Variants in NEDD4L observed in about 807,000 individuals in gnomAD.
The protein encoded by NEDD4L is E3 ubiquitin-protein ligase NEDD4-like.
A neutral mutation model predicts 148.9 loss-of-function variants in NEDD4L; 54 were observed. The observed-to-expected ratio is 0.36, with a 90% CI of 0.29 to 0.45. NEDD4L has a LOEUF of 0.45. Among genes scored for constraint, NEDD4L ranks in the 20% least tolerant of loss-of-function variants. The pLI is 1.00. For synonymous variants in NEDD4L, 433 were observed against 440.7 expected (o/e 0.98, Z 0.22); for missense variants, 856 against 1,233.8 (o/e 0.69, Z 4.59).
At chr18:58,274,171 C>T (rs777031531) in intron 5 of NEDD4L, among the ~76,000 whole-genome samples, 1 of 152,152 alleles carries the variant, frequency 6.6e-6, no homozygotes, top group Non-Finnish European at 1.5e-5. Flanking sequence ...TGAGTGAAGC[C>T]ATCTTGGATG....
chr18:58,214,150 C>G (rs2042891085), intron 2 of NEDD4L, among the ~76,000 whole-genome samples: 1 of 143,526 alleles, frequency 7.0e-6, no homozygotes. Flanking sequence ...ATGAAGCTTC[C>G]TGATAAATCA....
At position 58,265,221 on chromosome 18, in the gene NEDD4L, A is replaced by G. The variant is rs764194996; in HGVS notation, c.297+13167A>G. Among the ~76,000 whole-genome samples, 11 of 152,102 alleles carry G rather than the reference A, an allele frequency of 7.2e-5. 1 individual carries two copies. The highest frequency in any genetic ancestry group is 2.0e-4 in the Admixed American group (3 of 15,282). On this transcript the variant is annotated intron_variant, in intron 5 of 30. Transcript: ENST00000400345. ...TGTGCCTCCCAGGGATGTGGTGGTC[A>G]TATTGGCTCCAAATTGCCTTGTTCA...
Position 58,201,924 on chromosome 18 carries a change from T to C in NEDD4L, c.122+36063T>C, listed in dbSNP as rs188400762. On this transcript the variant is annotated intron_variant, in intron 2 of 30. Coordinates refer to ENST00000400345, the MANE Select transcript of NEDD4L (RefSeq NM_001144967.3). ...TGTGCTATACGCTGACGGAAGTTCA[T>C]TCAGTCAGTCCCCTATTGATGGACA... is the stretch of plus-strand genomic sequence containing the variant. 7.2e-5 allele frequency among the ~76,000 whole-genome samples: 11 copies of C among 152,338 alleles called. No homozygotes were observed. In the East Asian group the frequency reaches 2.1e-3, roughly 29 times the overall value.
intron 1 of NEDD4L, among the ~76,000 whole-genome samples, chr18:58,137,163 G>A (rs181040540): frequency 6.6e-6 from 1 of 152,330 alleles, no homozygotes; most frequent in African/African-American, 2.4e-5. Flanking sequence ...TGGGCGCAGG[G>A]TTTCCTCTAG....
intron 5 of NEDD4L, among the ~76,000 whole-genome samples, chr18:58,307,422 C>T (rs2057199781): frequency 6.6e-6 from 1 of 152,114 alleles, no homozygotes; most frequent in Non-Finnish European, 1.5e-5. Flanking sequence ...GACAAGGACC[C>T]CTCTTAAGCT....
intron 2 of NEDD4L, among the ~76,000 whole-genome samples, chr18:58,211,292 G>A (rs887129771): frequency 6.6e-5 from 10 of 152,092 alleles, no homozygotes; most frequent in Admixed American, 3.9e-4. Context: ...TCTAGAAATC[G>A]CAAGAGCATC....
intron 1 of NEDD4L, among the ~76,000 whole-genome samples, chr18:58,077,133 G>C (rs183410838): frequency 7.0e-6 from 1 of 142,680 alleles, no homozygotes; most frequent in East Asian, 2.3e-4. Flanking sequence ...TTACAGGCGT[G>C]AGCCACCATA....
intron 1 of NEDD4L, among the ~76,000 whole-genome samples, chr18:58,125,123 C>G (rs1402601079): frequency 6.6e-6 from 1 of 152,210 alleles, no homozygotes; most frequent in Admixed American, 6.5e-5. Flanking sequence ...TGGTCTCGAA[C>G]TCATGGCCTC....
At chr18:58,176,300 C>T (rs976695655) in intron 2 of NEDD4L, among the ~76,000 whole-genome samples, 4 of 151,998 alleles carry the variant, frequency 2.6e-5, no homozygotes, top group African/African-American at 9.7e-5. Context: ...CTCCTCCTTC[C>T]TTCCTTGCTT....
Position 58,089,597 on chromosome 18 carries a change from G to C in NEDD4L, c.48+44889G>C, listed in dbSNP as rs571926249. 7.9e-5 allele frequency among the ~76,000 whole-genome samples: 12 copies of C among 152,160 alleles called. No individual in the cohort carries two copies. The East Asian group carries it at 2.1e-3, about 27-fold the overall frequency. On this transcript the variant is annotated intron_variant, in intron 1 of 30. Coordinates refer to ENST00000400345, the MANE Select transcript of NEDD4L (RefSeq NM_001144967.3). ...AACACTTGAACCTTTGGATTCAAAT[G>C]GTTTTAAATGCATCTCAGAAAAGTG...
chr18:58,388,242 C>T (rs967916864), intron 27 of NEDD4L: 1 of 152,254 alleles, frequency 6.6e-6, no homozygotes, highest in African/African-American at 2.4e-5. Context: ...TTGCCCCGTC[C>T]ATAGCCAGTG....
intron 15 of NEDD4L, 84 bp downstream of exon 15, chr18:58,341,881 C>T (rs542409394): frequency 6.9e-6 from 10 of 1,454,708 alleles, no homozygotes; most frequent in South Asian, 2.5e-5. Flanking sequence ...CCTTCAGTTT[C>T]GCAGCCACCT....
intron 1 of NEDD4L, among the ~76,000 whole-genome samples, chr18:58,126,933 GC>G (rs1172906336): frequency 1.3e-5 from 2 of 152,224 alleles, no homozygotes; most frequent in African/African-American, 4.8e-5. Flanking sequence ...TGCCTGGGCA[GC>G]CCTGTCCTCA....
chr18:58,341,859 C>T lies in NEDD4L; in HGVS notation c.1377+62C>T, dbSNP rs1351867839. Reference sequence around the variant, plus strand: ...TCCTGTGACTCCCATTCTTTCTTCTCTCTTAACTCTGCCTTCAGTTTCGCA... The same window carrying T: ...TCCTGTGACTCCCATTCTTTCTTCTTTCTTAACTCTGCCTTCAGTTTCGCA... On this transcript the variant is annotated intron_variant, in intron 15 of 30. Transcript: ENST00000400345. The T allele has an allele frequency of 3.8e-6, 6 of 1,560,234 alleles. No homozygotes were observed. In the African/African-American group the frequency reaches 4.1e-5, roughly 11 times the overall value.
chr18:58,277,989 G>A (rs1326026044), intron 5 of NEDD4L, among the ~76,000 whole-genome samples: 2 of 152,060 alleles, frequency 1.3e-5, no homozygotes, highest in African/African-American at 4.8e-5. Flanking sequence ...TTGTCTAAAA[G>A]ATATTGAATG....
chr18:58,375,906 A>C (rs1270498816), intron 24 of NEDD4L, among the ~76,000 whole-genome samples: 4 of 152,188 alleles, frequency 2.6e-5, no homozygotes, highest in Non-Finnish European at 5.9e-5. Context: ...AAGGGTCTTA[A>C]ACTGCCAATT....
chr18:58,243,227 A>G (rs2046854375), intron 2 of NEDD4L, among the ~76,000 whole-genome samples: 1 of 152,186 alleles, frequency 6.6e-6, no homozygotes, highest in Non-Finnish European at 1.5e-5. Flanking sequence ...AGTTTATGGT[A>G]TTCTTTATAA....
chr18:58,266,051 A>G (rs2050176280), intron 5 of NEDD4L, among the ~76,000 whole-genome samples: 1 of 152,160 alleles, frequency 6.6e-6, no homozygotes, highest in Non-Finnish European at 1.5e-5. Flanking sequence ...CATATGGTAC[A>G]TGTATTTAAA....
chr18:58,147,093 A>G (rs2034173852), intron 1 of NEDD4L, among the ~76,000 whole-genome samples: 2 of 152,176 alleles, frequency 1.3e-5, no homozygotes, highest in African/African-American at 4.8e-5. Flanking sequence ...TACAAATAGA[A>G]TATGTAGCAG....
Sources: gnomAD v4.1 joint callset for allele counts (sites outside exome capture counted in the v4.1 genomes callset) on GRCh38, gnomAD v4.1.1 for gene constraint, MANE v1.5 for transcripts, NCBI Gene and HGNC (gene_info 2026-07-23, HGNC 2026-07-21) for gene names.